Variants in PDS5A observed in about 807,000 individuals in gnomAD.
The protein encoded by PDS5A is sister chromatid cohesion protein PDS5 homolog A.
Under a neutral mutation model 167.1 loss-of-function variants are expected in PDS5A, and 42 were observed. The ratio of observed to expected loss-of-function variants is 0.25; its 90% CI spans 0.20 to 0.33. PDS5A has a LOEUF of 0.33. PDS5A is among the 10% of genes least tolerant of loss of function. The pLI is 1.00. For missense variants in PDS5A, 1,033 were observed against 1,605.9 expected (o/e 0.64, Z 6.10); for synonymous variants, 553 against 554.6 (o/e 1.00, Z 0.04).
At chr4:39,876,923 A>C (rs966286872) in intron 19 of PDS5A, 70 bp downstream of exon 19, 1 of 1,189,140 alleles carries the variant, frequency 8.4e-7, no homozygotes, top group Non-Finnish European at 1.2e-6. Flanking sequence ...ACACAGAAGG[A>C]AAACAATGAT....
intron 30 of PDS5A, 33 bp downstream of exon 30, chr4:39,844,623 G>A (rs186272050): frequency 1.3e-6 from 2 of 1,572,666 alleles, no homozygotes; most frequent in East Asian, 2.2e-5. Flanking sequence ...AGTAGTGAGT[G>A]CTAGTAACAA....
chr4:39,861,031 T>C (rs994967635), intron 26 of PDS5A, among the ~76,000 whole-genome samples: 3 of 150,810 alleles, frequency 2.0e-5, no homozygotes, highest in Non-Finnish European at 4.4e-5. Flanking sequence ...ACCACTGCAC[T>C]TCAGCCCGGG....
chr4:39,916,190 T>A (rs1182292295), intron 8 of PDS5A, among the ~76,000 whole-genome samples: 1 of 107,646 alleles, frequency 9.3e-6, no homozygotes, highest in Non-Finnish European at 2.2e-5. Context: ...AGACTCCGTC[T>A]CAAAAAAACA....
intron 23 of PDS5A, 62 bp from the exon 24 acceptor site, chr4:39,863,521 T>C (rs1271453688): frequency 7.8e-7 from 1 of 1,274,590 alleles, no homozygotes; most frequent in Non-Finnish European, 1.1e-6. Context: ...TAAAAATGCT[T>C]TCGTCCCTTT....
chr4:39,845,795 C>A, intron 29 of PDS5A, 23 bp downstream of exon 29: 2 of 1,379,832 alleles, frequency 1.4e-6, no homozygotes, highest in South Asian at 1.7e-5. Context: ...ACAAAGATCT[C>A]AAAATTATTA....
At chr4:39,969,883 A>C (rs2109823902) in intron 2 of PDS5A, among the ~76,000 whole-genome samples, 1 of 152,100 alleles carries the variant, frequency 6.6e-6, no homozygotes, top group East Asian at 1.9e-4. Context: ...AGGTTTACAG[A>C]GAAGCTAAAG....
chr4:39,869,417 C>T lies in PDS5A; in HGVS notation c.2482G>A (p.Val828Ile). The T allele has an allele frequency of 1.2e-6, 2 of 1,603,246 alleles. No homozygotes were observed. Among genetic ancestry groups the T allele is most frequent in the Non-Finnish European group, 1.7e-6 (2 of 1,170,128 alleles). The change falls in exon 22 of 33, where the codon GTT becomes ATT. Residue 828 changes from valine (V) to isoleucine (I), a missense_variant. Coordinates refer to ENST00000303538, the MANE Select transcript of PDS5A (RefSeq NM_001100399.2). ...NGKLWSPDEE[V>I]SPEVLAKVQA... ...ACCTTTGCTAGTACTTCAGGGGAAA[C>T]CTCTTCATCTGGAGACCACAGTTTT...
Position 39,928,226 on chromosome 4 carries a change from T to C in PDS5A, c.139-62A>G, listed in dbSNP as rs571149117. On this transcript the variant is annotated intron_variant, in intron 2 of 32. Coordinates refer to ENST00000303538, the MANE Select transcript of PDS5A (RefSeq NM_001100399.2). ...CTGGAATTTAGAAATCAGTGGAGGA[T>C]GTGATTTAAAAAAAAAAAAGTCATC... The C allele has an allele frequency of 4.7e-5, 54 of 1,148,260 alleles. No homozygotes were observed. The African/African-American group carries it at 7.2e-4, about 15-fold the overall frequency. The allele number at this position is 1,148,260 out of a possible 1,614,324, so 71.1% of individuals were successfully genotyped here.
intron 30 of PDS5A, among the ~76,000 whole-genome samples, chr4:39,842,928 TA>T (rs1284866042): frequency 1.5e-5 from 2 of 136,394 alleles, no homozygotes; most frequent in African/African-American, 5.7e-5. Context: ...TATATATATA[TA>T]TATATATATT....
intron 32 of PDS5A, among the ~76,000 whole-genome samples, chr4:39,835,783 A>G (rs905542040): frequency 1.3e-5 from 2 of 152,204 alleles, no homozygotes; most frequent in African/African-American, 2.4e-5. Flanking sequence ...TTGGCCTCCC[A>G]AAGTGCTGTG....
chr4:39,917,271 ATAAT>A, intron 7 of PDS5A, 83 bp from the exon 8 acceptor site: 1 of 896,188 alleles, frequency 1.1e-6, no homozygotes, highest in Non-Finnish European at 1.6e-6. Context: ...TTTTTTATAA[ATAAT>A]TTAATTAGGT....
intron 2 of PDS5A, among the ~76,000 whole-genome samples, chr4:39,961,061 G>A (rs550694962): frequency 1.1e-4 from 16 of 151,906 alleles, no homozygotes; most frequent in African/African-American, 3.4e-4. Context: ...CCTCCACCTC[G>A]CTCTCCCAAA....
chr4:39,867,068 T>A, intron 22 of PDS5A, 71 bp from the exon 23 acceptor site: 1 of 1,236,518 alleles, frequency 8.1e-7, no homozygotes, highest in East Asian at 2.5e-5. Flanking sequence ...TTAATTTAAT[T>A]AGATTAATGA....
chr4:39,882,164 A>G (rs919861474), intron 17 of PDS5A, among the ~76,000 whole-genome samples: 3 of 152,190 alleles, frequency 2.0e-5, no homozygotes, highest in Non-Finnish European at 2.9e-5. Flanking sequence ...AATAAAATAA[A>G]AATGTAAAAA....
At chr4:39,945,871 G>T (rs1355707940) in intron 2 of PDS5A, among the ~76,000 whole-genome samples, 1 of 152,080 alleles carries the variant, frequency 6.6e-6, no homozygotes, top group Non-Finnish European at 1.5e-5. Flanking sequence ...ATAAAACACA[G>T]CAGTTTTTCT....
At position 39,920,373 on chromosome 4, in the gene PDS5A, A is replaced by G. The variant is rs755324021; in HGVS notation, c.681T>C (p.Leu227=). Residue 227 remains leucine (L), a synonymous_variant, in exon 7 of 33, where the codon CTT becomes CTC. Coordinates refer to ENST00000303538, the MANE Select transcript of PDS5A (RefSeq NM_001100399.2). ...HKNLNKQSFD[L]AKVLLKRTVQ... ...CTGTTCTTTTCAATAGCACTTTTGC[A>G]AGGTCAAAGGACTGTTTATTTAAGT... 5.2e-6 allele frequency: 8 copies of G among 1,546,648 alleles called. No individual in the cohort carries two copies. In the East Asian group the frequency reaches 1.8e-4, roughly 35 times the overall value.
chr4:39,926,736 AAAT>A (rs1385601726), intron 4 of PDS5A, 36 bp downstream of exon 4: 2 of 1,251,450 alleles, frequency 1.6e-6, no homozygotes, highest in Non-Finnish European at 2.1e-6. Flanking sequence ...CTATCATGTG[AAAT>A]AATGTTAATA....
intron 29 of PDS5A, among the ~76,000 whole-genome samples, chr4:39,845,454 GT>G (rs1717510008): frequency 6.6e-6 from 1 of 152,088 alleles, no homozygotes; most frequent in Admixed American, 6.6e-5. Context: ...TCCTTTTGCT[GT>G]TTTAGGTGTC....
chr4:39,868,183 T>C (rs769146479), intron 22 of PDS5A, among the ~76,000 whole-genome samples: 1 of 152,154 alleles, frequency 6.6e-6, no homozygotes, highest in African/African-American at 2.4e-5. Context: ...GTAACAATCA[T>C]CTCTATCTGC....
Sources: allele counts gnomAD v4.1 joint callset (sites outside exome capture counted in the v4.1 genomes callset), GRCh38; gene constraint gnomAD v4.1.1; transcripts MANE v1.5; gene names NCBI Gene and HGNC (gene_info 2026-07-23, HGNC 2026-07-21).